RASGEF1A: variants seen among roughly 807,000 people sequenced by gnomAD.
The protein encoded by RASGEF1A is ras-GEF domain-containing family member 1A.
In RASGEF1A, 18 loss-of-function variants were observed where a neutral mutation model predicts 56.4. The observed-to-expected ratio is 0.32, with a 90% CI of 0.22 to 0.47. The LOEUF (loss-of-function observed/expected upper bound fraction) is 0.47. Among genes scored for constraint, RASGEF1A ranks in the 20% least tolerant of loss-of-function variants. The pLI is 1.00. For missense variants in RASGEF1A, 422 were observed against 627.1 expected, an observed-to-expected ratio of 0.67 and a Z score of 3.49; for synonymous variants, 245 against 242.6, an observed-to-expected ratio of 1.01 and a Z score of -0.09.
chr10:43,196,262 G>C lies in RASGEF1A; in HGVS notation c.1428C>G (p.Thr476=). ...ATCCGCCTCAGGCTCTGTTCAGAAG[G>C]GTGGTCCTAGAGGGGGACAGGACAA... is the stretch of plus-strand genomic sequence containing the variant. ...EKDSWKTLRT[T]LLNRA The change falls in exon 13 of 13, where the codon ACC becomes ACG. Residue 476 remains threonine, a synonymous_variant. Coordinates refer to ENST00000395810, the MANE Select transcript of RASGEF1A (RefSeq NM_145313.4). The surrounding 1 kb of genome is among the most constrained non-coding windows in gnomAD (Gnocchi z 4.6). 1 of 1,613,638 alleles carries C rather than the reference G, an allele frequency of 6.2e-7. No individual in the cohort carries two copies.
At chr10:43,206,412 TC>T (rs1839997089) in intron 1 of RASGEF1A, among the ~76,000 whole-genome samples, 2 of 152,120 alleles carry the variant, frequency 1.3e-5, no homozygotes, top group Admixed American at 6.5e-5. Context: ...GGGAAAAATG[TC>T]CAAGAAGGGA....
intron 3 of RASGEF1A, among the ~76,000 whole-genome samples, chr10:43,202,363 A>T (rs2133184025): frequency 6.6e-6 from 1 of 152,248 alleles, no homozygotes; most frequent in East Asian, 1.9e-4. Flanking sequence ...CCCCGAGGGG[A>T]GGCGACGCGC....
intron 1 of RASGEF1A, among the ~76,000 whole-genome samples, chr10:43,210,354 G>T (rs988864327): frequency 1.3e-5 from 2 of 152,192 alleles, no homozygotes; most frequent in Non-Finnish European, 1.5e-5. Flanking sequence ...CAGGCCTGTG[G>T]TTCCAGCTAC....
intron 1 of RASGEF1A, among the ~76,000 whole-genome samples, chr10:43,258,740 C>A (rs918779991): frequency 6.6e-6 from 1 of 152,258 alleles, no homozygotes; most frequent in Admixed American, 6.5e-5. Context: ...CCCACACCCA[C>A]CATCCACCCA....
In RASGEF1A at chr10:43,196,838, G is replaced by A. The variant is rs1035990233; in HGVS notation, c.1348+138C>T. The A allele has an allele frequency of 2.1e-5, 22 of 1,056,852 alleles. No homozygotes were observed. The highest frequency in any genetic ancestry group is 4.9e-5 in the Admixed American group (2 of 40,556). The allele number at this position is 1,056,852 out of a possible 1,614,324, so 65.5% of individuals were successfully genotyped here. ...CCATGACCCACCCTCATGCACACTCGCCCCTGCGAGCAGAGCCAGCCCTGT... is the reference window on the plus strand; with the variant it reads ...CCATGACCCACCCTCATGCACACTCACCCCTGCGAGCAGAGCCAGCCCTGT... On this transcript the variant is annotated intron_variant, in intron 11 of 12. Coordinates refer to ENST00000395810, the MANE Select transcript of RASGEF1A (RefSeq NM_145313.4). The surrounding 1 kb of genome is among the most constrained non-coding windows in gnomAD (Gnocchi z 4.6).
At chr10:43,225,313 C>G (rs1276993629) in intron 1 of RASGEF1A, among the ~76,000 whole-genome samples, 6 of 136,620 alleles carry the variant, frequency 4.4e-5, no homozygotes, top group Non-Finnish European at 9.2e-5. Context: ...TTGTGTGTGT[C>G]TGTGTGTCTG....
chr10:43,229,502 GGGC>G, intron 1 of RASGEF1A: 1 of 643,668 alleles, frequency 1.6e-6, no homozygotes, highest in Non-Finnish European at 2.4e-6. Context: ...GACGCACAGA[GGGC>G]GGCGCGCGGG....
intron 1 of RASGEF1A, among the ~76,000 whole-genome samples, chr10:43,244,195 G>T (rs1036624677): frequency 6.6e-6 from 1 of 152,190 alleles, no homozygotes; most frequent in Non-Finnish European, 1.5e-5. Context: ...CAGCATGCTC[G>T]TTAAGAGTCA....
intron 1 of RASGEF1A, among the ~76,000 whole-genome samples, chr10:43,253,051 C>T (rs1840645076): frequency 1.3e-5 from 2 of 152,218 alleles, no homozygotes; most frequent in Admixed American, 1.3e-4. Flanking sequence ...TCTGTCCATG[C>T]CCCAGACAAA....
At chr10:43,253,975 A>G (rs917183114) in intron 1 of RASGEF1A, among the ~76,000 whole-genome samples, 37 of 152,298 alleles carry the variant, frequency 2.4e-4, no homozygotes, top group Admixed American at 2.4e-3. Flanking sequence ...CTCACCCGGC[A>G]GTGCCCCTAA....
At chr10:43,237,427 TC>T (rs1840444087) in intron 1 of RASGEF1A, among the ~76,000 whole-genome samples, 1 of 117,808 alleles carries the variant, frequency 8.5e-6, no homozygotes, top group Non-Finnish European at 1.8e-5. Flanking sequence ...TGCCCCTAAC[TC>T]CCACTCTCCC....
rs1839807188 is a variant in RASGEF1A at position 43,196,912 on chromosome 10, C to A, written c.1348+64G>T. ...CATCTCCCAGGGCAACCCCAAAGAG[C>A]ACCGGGCCTGGACAAGGAGTCAGGT... is the stretch of plus-strand genomic sequence containing the variant. On this transcript the variant is annotated intron_variant, in intron 11 of 12. Coordinates refer to ENST00000395810, the MANE Select transcript of RASGEF1A (RefSeq NM_145313.4). The surrounding 1 kb of genome is among the most constrained non-coding windows in gnomAD (Gnocchi z 4.6). The A allele has an allele frequency of 5.0e-6, 8 of 1,589,050 alleles. No individual in the cohort carries two copies. In the East Asian group the frequency reaches 1.6e-4, roughly 31 times the overall value.
intron 1 of RASGEF1A, among the ~76,000 whole-genome samples, chr10:43,213,514 A>T (rs1165632125): frequency 1.3e-5 from 2 of 152,176 alleles, no homozygotes; most frequent in Non-Finnish European, 2.9e-5. Context: ...GAGGGACCCT[A>T]TGTAGCCCCA....
At chr10:43,199,869 C>G in intron 6 of RASGEF1A, 101 bp from the exon 7 acceptor site, 1 of 973,804 alleles carries the variant, frequency 1.0e-6, no homozygotes, top group Non-Finnish European at 1.6e-6. Flanking sequence ...TCAGCCTGCA[C>G]CGCAGCAGCC....
chr10:43,200,788 C>A lies in RASGEF1A; in HGVS notation c.560G>T (p.Arg187Leu). The A allele has an allele frequency of 1.2e-6, 2 of 1,613,914 alleles. No individual in the cohort carries two copies. The highest frequency in any genetic ancestry group is 2.2e-5 in the South Asian group (2 of 91,084). The change falls in exon 5 of 13, where the codon CGG (arginine) becomes CTG (leucine). Residue 187 changes from arginine (R) to leucine (L), a missense_variant. Coordinates refer to ENST00000395810, the MANE Select transcript of RASGEF1A (RefSeq NM_145313.4). ...GGGCCCCTTGTCTACAGCCGGTGGC[C>A]GGAGCTTCTCTCGCAGTTCCTGGAG... ...SQLQELREKL[R>L]PPAVDKGPIL...
At chr10:43,214,044 C>T (rs992823046) in intron 1 of RASGEF1A, among the ~76,000 whole-genome samples, 1 of 152,236 alleles carries the variant, frequency 6.6e-6, no homozygotes, top group African/African-American at 2.4e-5. Flanking sequence ...TCGGGAGGGG[C>T]AGCCACACAG....
chr10:43,245,481 A>T (rs1405936673), intron 1 of RASGEF1A, among the ~76,000 whole-genome samples: 1 of 152,212 alleles, frequency 6.6e-6, no homozygotes, highest in Non-Finnish European at 1.5e-5. Context: ...AAGGAAAAAA[A>T]CTATAAACCA....
At chr10:43,228,862 A>G (rs977860859) in intron 1 of RASGEF1A, among the ~76,000 whole-genome samples, 1 of 152,182 alleles carries the variant, frequency 6.6e-6, no homozygotes, top group East Asian at 1.9e-4. Flanking sequence ...GGCCCGATAA[A>G]TGCATGCTGA....
chr10:43,239,546 C>A (rs542208755), intron 1 of RASGEF1A, among the ~76,000 whole-genome samples: 18 of 152,342 alleles, frequency 1.2e-4, no homozygotes, highest in African/African-American at 4.3e-4. Context: ...ATAACTGAAT[C>A]TCAGTAAGAA....
Sources: allele counts gnomAD v4.1 joint callset (sites outside exome capture counted in the v4.1 genomes callset), GRCh38; gene constraint gnomAD v4.1.1; non-coding constraint Gnocchi (gnomAD v3.1); transcripts MANE v1.5; gene names NCBI Gene and HGNC (gene_info 2026-07-23, HGNC 2026-07-21).